ITPR2: variants seen among roughly 807,000 people sequenced by gnomAD.
ITPR2 encodes the protein inositol 1,4,5-trisphosphate receptor type 2.
ITPR2 carries 207 observed loss-of-function variants against 317.1 expected under a neutral mutation model. The observed-to-expected ratio is 0.65, with a 90% CI of 0.58 to 0.73. ITPR2 has a LOEUF of 0.73. Among genes scored for constraint, ITPR2 ranks in the 30% least tolerant of loss-of-function variants. The pLI, the probability that ITPR2 is intolerant of heterozygous loss-of-function variation, is 0.00. For synonymous variants in ITPR2, 1,156 were observed against 1,149.1 expected, an observed-to-expected ratio of 1.01 and a Z score of -0.12; for missense variants, 2,613 against 3,284.0, an observed-to-expected ratio of 0.80 and a Z score of 4.99.
In ITPR2 at chr12:26,578,753, T is replaced by G. The variant is rs760128808; in HGVS notation, c.4590A>C (p.Lys1530Asn). 93 of 1,611,002 alleles carry G rather than the reference T, an allele frequency of 5.8e-5. No homozygotes were observed. The highest frequency in any genetic ancestry group is 7.1e-5 in the Non-Finnish European group (84 of 1,177,816). ...YNCTWPNPAQ[K>N]ASVESCIRTL... ...TTCTGATACAGGATTCCACTGAGGC[T>G]TTCTGCGCTGGGTTTGGCCAGGTGC... The change falls in exon 34 of 57, where the codon AAA becomes AAC. Residue 1530 changes from lysine to asparagine, a missense_variant. Coordinates refer to ENST00000381340, the MANE Select transcript of ITPR2 (RefSeq NM_002223.4).
intron 26 of ITPR2, among the ~76,000 whole-genome samples, chr12:26,619,104 C>A (rs535344539): frequency 1.3e-5 from 2 of 152,290 alleles, no homozygotes; most frequent in East Asian, 3.9e-4. Context: ...TTTCCAGCTA[C>A]AGAAGTTTGC....
chr12:26,826,706 C>T (rs1300813851), intron 1 of ITPR2, among the ~76,000 whole-genome samples: 1 of 152,104 alleles, frequency 6.6e-6, no homozygotes, highest in Non-Finnish European at 1.5e-5. Context: ...TGAGAAGAAA[C>T]CTCAAGGCAA....
chr12:26,799,335 C>A (rs140523581), intron 1 of ITPR2, among the ~76,000 whole-genome samples: 3 of 152,188 alleles, frequency 2.0e-5, no homozygotes, highest in Non-Finnish European at 2.9e-5. Context: ...AATGCTATCA[C>A]CCTGACCAAA....
At chr12:26,515,550 A>G (rs1943465094) in intron 37 of ITPR2, among the ~76,000 whole-genome samples, 2 of 152,138 alleles carry the variant, frequency 1.3e-5, no homozygotes, top group Admixed American at 6.5e-5. Context: ...TGAAAACTCC[A>G]TTTTCAGCAA....
chr12:26,798,374 T>G (rs1950491881), intron 1 of ITPR2, among the ~76,000 whole-genome samples: 1 of 152,248 alleles, frequency 6.6e-6, no homozygotes, highest in Non-Finnish European at 1.5e-5. Flanking sequence ...TGACTAGAGT[T>G]GGCTTGTCAT....
intron 45 of ITPR2, among the ~76,000 whole-genome samples, chr12:26,464,360 A>G (rs2136791812): frequency 6.6e-6 from 1 of 152,332 alleles, no homozygotes; most frequent in Non-Finnish European, 1.5e-5. Flanking sequence ...GATTCTCATA[A>G]GGAGGACGTT....
intron 37 of ITPR2, among the ~76,000 whole-genome samples, chr12:26,506,186 T>C (rs565805896): frequency 6.8e-6 from 1 of 146,750 alleles, no homozygotes; most frequent in East Asian, 2.0e-4. Flanking sequence ...CTAGGCAATA[T>C]AGGGAGACCT....
At chr12:26,443,456 C>T (rs1448991636) in intron 46 of ITPR2, 87 bp downstream of exon 46, 3 of 1,046,906 alleles carry the variant, frequency 2.9e-6, no homozygotes, top group Non-Finnish European at 4.3e-6. Flanking sequence ...CATCATTGCT[C>T]TAGAAAAAAA....
intron 37 of ITPR2, among the ~76,000 whole-genome samples, chr12:26,539,108 T>G (rs1263931396): frequency 6.6e-6 from 1 of 152,196 alleles, no homozygotes; most frequent in African/African-American, 2.4e-5. Context: ...AAATATTCTC[T>G]GTGAGGACCT....
chr12:26,443,306 C>G (rs1941531368), intron 46 of ITPR2, among the ~76,000 whole-genome samples: 1 of 151,616 alleles, frequency 6.6e-6, no homozygotes, highest in Admixed American at 6.6e-5. Context: ...TAAAAAACAT[C>G]TATTAATTAC....
In ITPR2 at chr12:26,833,068, C is replaced by G. The variant is rs1400894777; in HGVS notation, c.-287G>C. ...CCGCCTCCCCGGCAGGTTTCCTGTTCCTTTCTGAAGTTTTCTCTCCAACAC... is the reference window on the plus strand; with the variant it reads ...CCGCCTCCCCGGCAGGTTTCCTGTTGCTTTCTGAAGTTTTCTCTCCAACAC... On this transcript the variant is annotated 5_prime_UTR_variant, in exon 1 of 57. Coordinates refer to ENST00000381340, the MANE Select transcript of ITPR2 (RefSeq NM_002223.4). 2 of 414,674 alleles carry G rather than the reference C, an allele frequency of 4.8e-6. No individual in the cohort carries two copies. The highest frequency in any genetic ancestry group is 4.3e-5 in the African/African-American group (2 of 46,516). 25.7% of individuals were successfully genotyped at this position (414,674 alleles called of 1,614,324 possible).
chr12:26,668,377 T>C (rs896261248), intron 13 of ITPR2, among the ~76,000 whole-genome samples: 4 of 152,174 alleles, frequency 2.6e-5, no homozygotes, highest in African/African-American at 9.7e-5. Flanking sequence ...CAGATACACA[T>C]GGATAGGGCT....
At chr12:26,756,472 T>C (rs896160042) in intron 2 of ITPR2, among the ~76,000 whole-genome samples, 2 of 152,330 alleles carry the variant, frequency 1.3e-5, no homozygotes, top group South Asian at 2.1e-4. Context: ...TATTTTTACT[T>C]ATGTTGCTTT....
At chr12:26,534,175 G>C (rs940387485) in intron 37 of ITPR2, among the ~76,000 whole-genome samples, 11 of 152,200 alleles carry the variant, frequency 7.2e-5, no homozygotes, top group African/African-American at 2.4e-4. Flanking sequence ...TCATGGGATA[G>C]TTCCAAATTT....
At chr12:26,524,756 T>A (rs1943764944) in intron 37 of ITPR2, among the ~76,000 whole-genome samples, 1 of 152,212 alleles carries the variant, frequency 6.6e-6, no homozygotes, top group Non-Finnish European at 1.5e-5. Context: ...CTTGTTTATA[T>A]CTCCACCAAC....
chr12:26,533,824 T>A (rs1465205635), intron 37 of ITPR2, among the ~76,000 whole-genome samples: 1 of 152,200 alleles, frequency 6.6e-6, no homozygotes, highest in Admixed American at 6.5e-5. Context: ...CCTCCAGAGC[T>A]ATAAGAAAAC....
chr12:26,458,574 C>T (rs909866116), intron 45 of ITPR2, among the ~76,000 whole-genome samples: 4 of 151,988 alleles, frequency 2.6e-5, no homozygotes, highest in Admixed American at 6.6e-5. Flanking sequence ...AACACGAGGG[C>T]GTCATCAACG....
intron 9 of ITPR2, among the ~76,000 whole-genome samples, chr12:26,699,637 T>C (rs1948409867): frequency 6.6e-6 from 1 of 151,692 alleles, no homozygotes; most frequent in Non-Finnish European, 1.5e-5. Flanking sequence ...AGTATAATAA[T>C]AACAATAATG....
At position 26,357,358 on chromosome 12, in the gene ITPR2, T is replaced by C. The variant is rs79428908; in HGVS notation, c.7858-17030A>G. Among the ~76,000 whole-genome samples, 1,354 of 152,288 alleles carry C rather than the reference T, an allele frequency of 8.9e-3. 26 individuals are homozygous for C. Among genetic ancestry groups the C allele is most frequent in the African/African-American group, 0.03 (1,253 of 41,550 alleles). On this transcript the variant is annotated intron_variant, in intron 55 of 56. Transcript: ENST00000381340. ...CTCTGGATACTGGGGCTTGGTTGAA[T>C]TTTGTTGGTGGACACACTAATGTGT...
Sources: gnomAD v4.1 joint callset for allele counts (sites outside exome capture counted in the v4.1 genomes callset) on GRCh38, gnomAD v4.1.1 for gene constraint, MANE v1.5 for transcripts, NCBI Gene and HGNC (gene_info 2026-07-23, HGNC 2026-07-21) for gene names.